Variants in CDH13 observed in about 807,000 individuals in gnomAD.
The protein encoded by CDH13 is cadherin 13.
Under a neutral mutation model 63.8 loss-of-function variants are expected in CDH13, and 24 were observed. That is an observed-to-expected ratio of 0.38 (90% CI 0.27 to 0.53). The LOEUF (loss-of-function observed/expected upper bound fraction) is 0.53. Among genes scored for constraint, CDH13 ranks in the 20% least tolerant of loss-of-function variants. CDH13 has a pLI of 0.85. For missense variants in CDH13, 1,049 were observed against 903.1 expected (o/e 1.16, Z -2.07); for synonymous variants, 503 against 355.3 (o/e 1.42, Z -4.67).
At chr16:83,508,110 A>AGGAAGGAAGGAAGGAAGGAAGG (rs1476708476) in intron 7 of CDH13, among the ~76,000 whole-genome samples, 3 of 42,490 alleles carry the variant, frequency 7.1e-5, no homozygotes, top group African/African-American at 2.2e-4. Flanking sequence ...GAAGGAAGGA[A>AGGAAGGAAGGAAGGAAGGAAGG]AAGGAAGGAA....
chr16:82,904,020 C>CT (rs369175078), intron 2 of CDH13, among the ~76,000 whole-genome samples: 31 of 152,012 alleles, frequency 2.0e-4, no homozygotes, highest in African/African-American at 6.3e-4. Context: ...TTCCAAACTG[C>CT]TTTTTTTTCT....
At chr16:83,066,999 C>T (rs2032066526) in intron 3 of CDH13, among the ~76,000 whole-genome samples, 1 of 152,186 alleles carries the variant, frequency 6.6e-6, no homozygotes, top group South Asian at 2.1e-4. Flanking sequence ...AGGATGAGTA[C>T]TGCAAAGTTG....
intron 6 of CDH13, among the ~76,000 whole-genome samples, chr16:83,356,007 C>T (rs1456307543): frequency 6.6e-6 from 1 of 152,170 alleles, no homozygotes; most frequent in East Asian, 1.9e-4. Flanking sequence ...CCGCCGTGGT[C>T]ACACAGCTGG....
chr16:83,190,968 A>G (rs1019670841), intron 4 of CDH13, among the ~76,000 whole-genome samples: 9 of 151,952 alleles, frequency 5.9e-5, no homozygotes, highest in African/African-American at 1.9e-4. Context: ...TTGGTCACCT[A>G]TAGGACAGGT....
At chr16:82,813,340 T>G (rs76077875) in intron 1 of CDH13, among the ~76,000 whole-genome samples, 3,931 of 152,280 alleles carry the variant, frequency 0.026, 196 homozygotes, top group African/African-American at 0.089. Context: ...GGATCAGAAC[T>G]GCAGTATCTC....
chr16:83,202,817 G>A (rs574986114), intron 4 of CDH13, among the ~76,000 whole-genome samples: 5 of 152,238 alleles, frequency 3.3e-5, no homozygotes, highest in East Asian at 3.9e-4. Flanking sequence ...AAATAAGTGC[G>A]TAAATATTTG....
At chr16:83,232,570 G>A (rs1468408079) in intron 5 of CDH13, among the ~76,000 whole-genome samples, 1 of 146,110 alleles carries the variant, frequency 6.8e-6, no homozygotes, top group East Asian at 2.1e-4. Context: ...AAAAAAAAGT[G>A]TGGCACCTCC....
intron 4 of CDH13, among the ~76,000 whole-genome samples, chr16:83,198,292 C>G (rs930869291): frequency 1.3e-5 from 2 of 151,200 alleles, no homozygotes; most frequent in Non-Finnish European, 2.9e-5. Context: ...CTCTTCTGTA[C>G]TCCAAATGTA....
chr16:83,104,447 A>G (rs2034662624), intron 3 of CDH13, among the ~76,000 whole-genome samples: 2 of 152,188 alleles, frequency 1.3e-5, no homozygotes, highest in Admixed American at 6.5e-5. Flanking sequence ...CCAATGAAAG[A>G]CACTTTGCTG....
chr16:82,725,909 G>T (rs891748757), intron 1 of CDH13, among the ~76,000 whole-genome samples: 1 of 152,128 alleles, frequency 6.6e-6, no homozygotes, highest in Middle Eastern at 3.2e-3. Flanking sequence ...AAGGCCTGAG[G>T]TTATGTGGCA....
At chr16:82,809,964 C>G (rs964092571) in intron 1 of CDH13, among the ~76,000 whole-genome samples, 3 of 152,158 alleles carry the variant, frequency 2.0e-5, no homozygotes, top group Admixed American at 6.5e-5. Flanking sequence ...TAAAACATGT[C>G]AGTTCATTCT....
chr16:83,079,798 A>G (rs1282341115), intron 3 of CDH13, among the ~76,000 whole-genome samples: 2 of 152,216 alleles, frequency 1.3e-5, no homozygotes, highest in East Asian at 1.9e-4. Flanking sequence ...TGACTGCATA[A>G]TATTTATTTG....
chr16:83,227,285 G>C (rs1008051837), intron 5 of CDH13, among the ~76,000 whole-genome samples: 1 of 152,200 alleles, frequency 6.6e-6, no homozygotes, highest in African/African-American at 2.4e-5. Context: ...TGGTCTTCAG[G>C]GGTGGGTCAC....
intron 4 of CDH13, among the ~76,000 whole-genome samples, chr16:83,137,219 G>T (rs1012633224): frequency 1.9e-4 from 29 of 152,202 alleles, no homozygotes; most frequent in Non-Finnish European, 3.8e-4. Context: ...CCTGTTGCAG[G>T]TGTTAAGTAA....
chr16:83,528,625 C>T (rs555077273), intron 7 of CDH13, among the ~76,000 whole-genome samples: 1 of 152,190 alleles, frequency 6.6e-6, no homozygotes, highest in Non-Finnish European at 1.5e-5. Flanking sequence ...TCTCTAAATT[C>T]TCCAACTGTT....
intron 7 of CDH13, among the ~76,000 whole-genome samples, chr16:83,538,609 A>G (rs761315167): frequency 5.9e-5 from 9 of 152,220 alleles, no homozygotes; most frequent in Admixed American, 1.3e-4. Flanking sequence ...TGATAGAGCC[A>G]TAGAGGAAAA....
intron 7 of CDH13, among the ~76,000 whole-genome samples, chr16:83,501,108 T>C (rs2074274504): frequency 6.6e-6 from 1 of 152,216 alleles, no homozygotes; most frequent in African/African-American, 2.4e-5. Context: ...CTAAACGTGA[T>C]CATCACAGAC....
intron 2 of CDH13, among the ~76,000 whole-genome samples, chr16:83,013,331 G>C (rs2151439410): frequency 6.6e-6 from 1 of 152,286 alleles, no homozygotes; most frequent in East Asian, 1.9e-4. Flanking sequence ...TTGGAGGCCT[G>C]ACTTCACAAC....
intron 5 of CDH13, among the ~76,000 whole-genome samples, chr16:83,344,277 C>G (rs1160967127): frequency 6.6e-6 from 1 of 152,110 alleles, no homozygotes; most frequent in African/African-American, 2.4e-5. Context: ...AAAGTAGTTC[C>G]CTATGGAAGT....
Sources: allele counts gnomAD v4.1 joint callset (sites outside exome capture counted in the v4.1 genomes callset), GRCh38; gene constraint gnomAD v4.1.1; transcripts MANE v1.5; gene names NCBI Gene and HGNC (gene_info 2026-07-23, HGNC 2026-07-21).